Variants in SLC39A11 observed in about 807,000 individuals in gnomAD.
SLC39A11 encodes solute carrier family 39 member 11, also known as zinc transporter ZIP11.
SLC39A11 carries 33 observed loss-of-function variants against 36.1 expected under a neutral mutation model. The observed-to-expected ratio is 0.91, with a 90% CI of 0.69 to 1.22. SLC39A11 has a LOEUF of 1.22. SLC39A11 is among the 50% of genes most tolerant of loss of function. The pLI, the probability that SLC39A11 is intolerant of heterozygous loss-of-function variation, is 0.00. For synonymous variants in SLC39A11, 166 were observed against 170.3 expected (o/e 0.97, Z 0.20); for missense variants, 432 against 430.3 (o/e 1.00, Z -0.03).
intron 4 of SLC39A11, among the ~76,000 whole-genome samples, chr17:72,951,767 A>G (rs1174126346): frequency 6.6e-6 from 1 of 152,088 alleles, no homozygotes; most frequent in Non-Finnish European, 1.5e-5. Context: ...GTACTAGCCC[A>G]TTATTAACTG....
At chr17:72,785,561 G>T (rs1024193910) in intron 6 of SLC39A11, among the ~76,000 whole-genome samples, 3 of 152,158 alleles carry the variant, frequency 2.0e-5, no homozygotes, top group African/African-American at 7.2e-5. Context: ...GGTAGAGGGC[G>T]GAGAGTGGAG....
At chr17:72,707,777 G>A (rs1006799773) in intron 7 of SLC39A11, among the ~76,000 whole-genome samples, 2 of 152,188 alleles carry the variant, frequency 1.3e-5, no homozygotes, top group South Asian at 4.1e-4. Context: ...AAAGCGTACG[G>A]CATGGAATAA....
chr17:72,843,583 G>A (rs546378053), intron 6 of SLC39A11, among the ~76,000 whole-genome samples: 2 of 152,214 alleles, frequency 1.3e-5, no homozygotes, highest in African/African-American at 2.4e-5. Context: ...CCTGCAACCC[G>A]GAGAAGGACC....
At chr17:72,724,771 G>A (rs577728084) in intron 7 of SLC39A11, among the ~76,000 whole-genome samples, 2 of 151,206 alleles carry the variant, frequency 1.3e-5, no homozygotes, top group South Asian at 2.1e-4. Flanking sequence ...CAGAGTGTTC[G>A]CTTAGGAACT....
At chr17:72,805,591 AG>A (rs2077223258) in intron 6 of SLC39A11, among the ~76,000 whole-genome samples, 1 of 152,198 alleles carries the variant, frequency 6.6e-6, no homozygotes, top group Non-Finnish European at 1.5e-5. Flanking sequence ...AGTGAGACAC[AG>A]CCTCCAGTTT....
At chr17:72,791,435 G>A (rs968052438) in intron 6 of SLC39A11, among the ~76,000 whole-genome samples, 2 of 152,194 alleles carry the variant, frequency 1.3e-5, no homozygotes, top group African/African-American at 4.8e-5. Context: ...CTGGGTGACA[G>A]AAAGAAACTC....
chr17:72,940,118 A>G (rs2085006979), intron 5 of SLC39A11, among the ~76,000 whole-genome samples: 1 of 152,170 alleles, frequency 6.6e-6, no homozygotes. Context: ...ACACATTCAG[A>G]TGTGTATTGC....
intron 3 of SLC39A11, among the ~76,000 whole-genome samples, chr17:73,052,825 C>T (rs1361970704): frequency 2.6e-5 from 4 of 152,102 alleles, no homozygotes; most frequent in Non-Finnish European, 4.4e-5. Context: ...CTCTGCCTCC[C>T]GAGTAGCTGG....
At chr17:72,900,370 C>T (rs1283875531) in intron 5 of SLC39A11, among the ~76,000 whole-genome samples, 1 of 151,462 alleles carries the variant, frequency 6.6e-6, no homozygotes, top group Non-Finnish European at 1.5e-5. Context: ...GGGCAGGCAT[C>T]AGGGTTCTGA....
chr17:72,749,318 C>T (rs1385014736), intron 6 of SLC39A11, among the ~76,000 whole-genome samples: 5 of 152,228 alleles, frequency 3.3e-5, no homozygotes, highest in Admixed American at 6.5e-5. Flanking sequence ...ACTCTGAAGT[C>T]AGAGCCTCAT....
intron 3 of SLC39A11, among the ~76,000 whole-genome samples, chr17:73,040,965 A>G (rs1333396937): frequency 1.3e-5 from 2 of 149,216 alleles, no homozygotes; most frequent in East Asian, 4.0e-4. Flanking sequence ...AGCCTGGGCA[A>G]CAGAGTCAGA....
intron 5 of SLC39A11, among the ~76,000 whole-genome samples, chr17:72,863,770 G>T (rs888529565): frequency 6.6e-6 from 1 of 152,188 alleles, no homozygotes. Context: ...GGCAACGCAC[G>T]AGCAACCAGG....
At chr17:73,079,872 GC>G (rs2060456382) in intron 3 of SLC39A11, among the ~76,000 whole-genome samples, 1 of 152,060 alleles carries the variant, frequency 6.6e-6, no homozygotes, top group Non-Finnish European at 1.5e-5. Flanking sequence ...GAGAATCAAA[GC>G]AAAAACTCAA....
intron 5 of SLC39A11, among the ~76,000 whole-genome samples, chr17:72,874,146 CCT>C (rs2080780388): frequency 1.3e-5 from 2 of 152,132 alleles, no homozygotes; most frequent in Non-Finnish European, 2.9e-5. Flanking sequence ...CCACAGGCAC[CCT>C]TCCTTGATGA....
chr17:72,797,219 A>C (rs1368599337), intron 6 of SLC39A11, among the ~76,000 whole-genome samples: 1 of 152,154 alleles, frequency 6.6e-6, no homozygotes, highest in East Asian at 1.9e-4. Context: ...GCAGCTCAAG[A>C]GGCTATGCTA....
intron 6 of SLC39A11, among the ~76,000 whole-genome samples, chr17:72,838,419 G>A (rs2078665853): frequency 6.6e-6 from 1 of 151,816 alleles, no homozygotes; most frequent in Non-Finnish European, 1.5e-5. Context: ...CGTAGAGATG[G>A]GGGTCTCGTC....
At chr17:72,979,427 C>T (rs1009380728) in intron 4 of SLC39A11, among the ~76,000 whole-genome samples, 8 of 152,046 alleles carry the variant, frequency 5.3e-5, no homozygotes, top group South Asian at 2.1e-4. Flanking sequence ...ACCTGGACTC[C>T]GAGAGCACAT....
At chr17:72,846,320 G>C (rs1234491442) in intron 6 of SLC39A11, among the ~76,000 whole-genome samples, 1 of 152,162 alleles carries the variant, frequency 6.6e-6, no homozygotes, top group Non-Finnish European at 1.5e-5. Flanking sequence ...ATGAGCCACT[G>C]CACCTGGCCT....
chr17:72,978,188 C>T (rs555895057), intron 4 of SLC39A11, among the ~76,000 whole-genome samples: 7 of 150,614 alleles, frequency 4.6e-5, no homozygotes, highest in East Asian at 1.9e-4. Flanking sequence ...TGCCCTTAGG[C>T]GTTCCCTGCC....
Sources: gnomAD v4.1 joint callset for allele counts (sites outside exome capture counted in the v4.1 genomes callset) on GRCh38, gnomAD v4.1.1 for gene constraint, MANE v1.5 for transcripts, NCBI Gene and HGNC (gene_info 2026-07-23, HGNC 2026-07-21) for gene names.